Variants in ZNF25 observed in about 807,000 individuals in gnomAD.
ZNF25 encodes the protein zinc finger protein 25 (KOX 19).
ZNF25 carries 21 observed loss-of-function variants against 30.9 expected under a neutral mutation model. The observed-to-expected ratio is 0.68, with a 90% CI of 0.48 to 0.98. ZNF25 has a LOEUF of 0.98. Among genes scored for constraint, ZNF25 ranks in the 50% least tolerant of loss-of-function variants. ZNF25 has a pLI of 0.00. For synonymous variants in ZNF25, 169 were observed against 181.3 expected, an observed-to-expected ratio of 0.93 and a Z score of 0.55; for missense variants, 501 against 529.9, an observed-to-expected ratio of 0.95 and a Z score of 0.54.
Position 37,952,967 on chromosome 10 carries a change from T to C in ZNF25, c.531A>G (p.Lys177=). 1 of 1,614,170 alleles carries C rather than the reference T, an allele frequency of 6.2e-7. No individual in the cohort carries two copies. Among genetic ancestry groups the C allele is most frequent in the South Asian group, 1.1e-5 (1 of 91,080 alleles). The part of the protein sequence containing the change: ...IHTRDKTYEC[K]ECKKIFYHLS... The stretch of plus-strand genomic sequence containing the variant: ...GGTGGTAAAATATTTTCTTACATTC[T>C]TTACACTCATAGGTTTTATCTCTCG... The change falls in exon 6 of 6, where the codon AAA becomes AAG. Residue 177 remains lysine, a synonymous_variant. Transcript: ENST00000302609.
At chr10:37,963,329 C>T (rs2062995951) in intron 2 of ZNF25, among the ~76,000 whole-genome samples, 1 of 152,048 alleles carries the variant, frequency 6.6e-6, no homozygotes. Context: ...CACATGTTGG[C>T]CAGGCTAGTC....
chr10:37,962,241 C>CA (rs34341090), intron 2 of ZNF25, among the ~76,000 whole-genome samples: 6,735 of 86,122 alleles, frequency 0.078, 241 homozygotes, highest in African/African-American at 0.16. Flanking sequence ...ACTTCCATCT[C>CA]AAAAAAAAAA....
chr10:37,959,718 T>G (rs1172717215), intron 2 of ZNF25, among the ~76,000 whole-genome samples: 9 of 151,996 alleles, frequency 5.9e-5, no homozygotes, highest in African/African-American at 2.2e-4. Context: ...CATGCCATTC[T>G]CCTGCCTCAG....
chr10:37,952,569 C>A lies in ZNF25; in HGVS notation c.929G>T (p.Gly310Val). 6.2e-7 allele frequency: 1 copy of A among 1,613,732 alleles called. No individual in the cohort carries two copies. Among genetic ancestry groups the A allele is most frequent in the South Asian group, 1.1e-5 (1 of 91,060 alleles). The stretch of plus-strand genomic sequence containing the variant: ...TTCCTTACATTCATAGGGTTTCTCT[C>A]CTGTGTGACTTCTCTGATGAGTTTT... ...HLKTHQRSHTGEKPYECKECR... is the reference protein window; with the variant it reads ...HLKTHQRSHTVEKPYECKECR... Residue 310 changes from glycine to valine, a missense_variant, in exon 6 of 6, where the codon GGA becomes GTA. By Grantham distance (109) the Gly-to-Val change is moderately radical. Transcript: ENST00000302609.
In ZNF25 at chr10:37,957,660, T is replaced by C. The variant is rs1407969609; in HGVS notation, c.16-114A>G. ...AACTGCAAAGTTCATTCTGGAGAGT[T>C]AGGATATTTGCCATGCTGTACCCTG... On this transcript the variant is annotated intron_variant, in intron 2 of 5. Coordinates refer to ENST00000302609, the MANE Select transcript of ZNF25 (RefSeq NM_145011.4). 4 of 1,224,968 alleles carry C rather than the reference T, an allele frequency of 3.3e-6. 1 individual carries two copies. The highest frequency in any genetic ancestry group is 4.4e-6 in the Non-Finnish European group (4 of 902,252). The allele number at this position is 1,224,968 out of a possible 1,614,324, so 75.9% of individuals were successfully genotyped here.
intron 2 of ZNF25, among the ~76,000 whole-genome samples, chr10:37,966,194 A>G (rs2063172501): frequency 6.6e-6 from 1 of 152,134 alleles, no homozygotes; most frequent in Non-Finnish European, 1.5e-5. Flanking sequence ...TGAGGTGAGC[A>G]CATCACTTGA....
chr10:37,968,666 T>C (rs1027543758), intron 2 of ZNF25, among the ~76,000 whole-genome samples: 9 of 152,214 alleles, frequency 5.9e-5, no homozygotes, highest in Non-Finnish European at 8.8e-5. Flanking sequence ...TAAAATGTTC[T>C]TATAATTCAA....
chr10:37,962,652 G>A (rs2062953415), intron 2 of ZNF25, among the ~76,000 whole-genome samples: 1 of 151,970 alleles, frequency 6.6e-6, no homozygotes, highest in Non-Finnish European at 1.5e-5. Context: ...AACTAAGAAA[G>A]CTGATAAACC....
chr10:37,957,827 C>T (rs1007123546), intron 2 of ZNF25, among the ~76,000 whole-genome samples: 15 of 152,116 alleles, frequency 9.9e-5, no homozygotes, highest in African/African-American at 3.6e-4. Flanking sequence ...ATGACAAATT[C>T]CATATATGAT....
At chr10:37,956,638 C>T (rs760923798) in intron 4 of ZNF25, among the ~76,000 whole-genome samples, 27 of 151,992 alleles carry the variant, frequency 1.8e-4, no homozygotes, top group East Asian at 3.9e-4. Context: ...CTGCTGAGGC[C>T]GGGCACGGTG....
At chr10:37,975,151 T>A (rs1338036136) in intron 1 of ZNF25, among the ~76,000 whole-genome samples, 1 of 152,032 alleles carries the variant, frequency 6.6e-6, no homozygotes, top group African/African-American at 2.4e-5. Context: ...GGTTAATGGG[T>A]ACAAAAATAC....
chr10:37,953,218 A>T lies in ZNF25; in HGVS notation c.303-23T>A, dbSNP rs41276136. The T allele has an allele frequency of 4.0e-3, 6,244 of 1,550,258 alleles. 18 individuals carry two copies. Among genetic ancestry groups the T allele is most frequent in the Middle Eastern group, 6.2e-3 (35 of 5,670 alleles). ...TTCCTAGACAGAAAGTTCCACATTC[A>T]TTAATGTGTAAGACTTTTAAGGCTT... On this transcript the variant is annotated intron_variant, in intron 5 of 5. Transcript: ENST00000302609.
intron 2 of ZNF25, among the ~76,000 whole-genome samples, chr10:37,967,464 C>A (rs927191462): frequency 8.0e-5 from 12 of 150,874 alleles, no homozygotes; most frequent in African/African-American, 2.7e-4. Flanking sequence ...GGCTGGAGTG[C>A]AATGGTCCAG....
At chr10:37,971,921 A>G in intron 1 of ZNF25, 114 bp from the exon 2 acceptor site, 1 of 629,196 alleles carries the variant, frequency 1.6e-6, no homozygotes, top group Non-Finnish European at 2.8e-6. Flanking sequence ...CCACCTGTCC[A>G]CTTCTGACTC....
intron 2 of ZNF25, among the ~76,000 whole-genome samples, chr10:37,964,703 A>C (rs903594986): frequency 2.6e-5 from 4 of 152,200 alleles, no homozygotes; most frequent in African/African-American, 9.7e-5. Context: ...CTGATATTTA[A>C]AAGGGAATCA....
At chr10:37,965,032 G>A (rs1295739997) in intron 2 of ZNF25, among the ~76,000 whole-genome samples, 2 of 152,104 alleles carry the variant, frequency 1.3e-5, no homozygotes, top group African/African-American at 2.4e-5. Context: ...GGGGGTCCAG[G>A]TACAGCTTGA....
intron 2 of ZNF25, among the ~76,000 whole-genome samples, chr10:37,967,459 G>C (rs947187029): frequency 6.6e-6 from 1 of 151,526 alleles, no homozygotes; most frequent in Non-Finnish European, 1.5e-5. Flanking sequence ...TCACTGGCTG[G>C]AGTGCAATGG....
intron 2 of ZNF25, among the ~76,000 whole-genome samples, chr10:37,958,499 AGGGACAGGACAAG>A (rs2062664848): frequency 6.6e-6 from 1 of 152,250 alleles, no homozygotes; most frequent in African/African-American, 2.4e-5. Flanking sequence ...TGAAAAGTCA[AGGGACAGGACAAG>A]AAGAAATTCT....
chr10:37,966,626 C>T (rs960193922), intron 2 of ZNF25, among the ~76,000 whole-genome samples: 1 of 151,898 alleles, frequency 6.6e-6, no homozygotes, highest in Non-Finnish European at 1.5e-5. Context: ...ACACTTTTAC[C>T]CAGATCTTGT....
Sources: gnomAD v4.1 joint callset for allele counts (sites outside exome capture counted in the v4.1 genomes callset) on GRCh38, gnomAD v4.1.1 for gene constraint, MANE v1.5 for transcripts, NCBI Gene and HGNC (gene_info 2026-07-23, HGNC 2026-07-21) for gene names.